MED15: variants seen among roughly 807,000 people sequenced by gnomAD.
The protein encoded by MED15 is mediator complex subunit 15, also known as mediator of RNA polymerase II transcription subunit 15.
A neutral mutation model predicts 118.7 loss-of-function variants in MED15; 41 were observed. The observed-to-expected ratio is 0.35, with a 90% confidence interval of 0.27 to 0.45. MED15 has a LOEUF of 0.45. MED15 is among the 20% of genes least tolerant of loss of function. MED15 has a pLI of 1.00. For synonymous variants in MED15, 436 were observed against 413.9 expected (o/e 1.05, Z -0.65); for missense variants, 740 against 1,025.5 (o/e 0.72, Z 3.80).
chr22:20,571,665 A>G (rs1233681189), intron 8 of MED15, among the ~76,000 whole-genome samples: 1 of 152,246 alleles, frequency 6.6e-6, no homozygotes, highest in Non-Finnish European at 1.5e-5. Context: ...TTCCACCAAT[A>G]GCAGCGCCCC....
rs569023290 is a variant in MED15 at position 20,552,055 on chromosome 22, A to G, written c.208+568A>G. ...CCCAGCTCTACAGAAATGAGTTGTC[A>G]TTGCATCCTAGGGCCAGGGTCTTCG... is the stretch of plus-strand genomic sequence containing the variant. On this transcript the variant is annotated intron_variant, in intron 3 of 17. Coordinates refer to ENST00000263205, the MANE Select transcript of MED15 (RefSeq NM_001003891.3). 2.0e-5 allele frequency among the ~76,000 whole-genome samples: 3 copies of G among 152,282 alleles called. No individual in the cohort carries two copies. The South Asian group carries it at 6.2e-4, about 32-fold the overall frequency.
chr22:20,582,741 A>G lies in MED15; in HGVS notation c.1403A>G (p.Asn468Ser), dbSNP rs375481710. ...PGQPSSQPNSNVSSGPAPSPS... is the reference protein window; with the variant it reads ...PGQPSSQPNSSVSSGPAPSPS... ...CAGCCCAGCTCACAGCCCAACTCCA[A>G]CGTCAGGTAGGCCTGGCCTGGGGTG... The change falls in exon 10 of 18, where the codon AAC becomes AGC. Residue 468 changes from asparagine to serine, a missense_variant. Physicochemically the swap from Asn to Ser is conservative, Grantham distance 46. Coordinates refer to ENST00000263205, the MANE Select transcript of MED15 (RefSeq NM_001003891.3). 2.2e-5 allele frequency: 35 copies of G among 1,588,308 alleles called. No homozygotes were observed. Among genetic ancestry groups the G allele is most frequent in the East Asian group, 4.5e-5 (2 of 44,466 alleles).
At chr22:20,527,453 G>T (rs540276208) in intron 1 of MED15, among the ~76,000 whole-genome samples, 2 of 147,698 alleles carry the variant, frequency 1.4e-5, no homozygotes, top group Non-Finnish European at 3.0e-5. Flanking sequence ...AAATTCTACC[G>T]TTTTTTTTGA....
At chr22:20,582,993 T>G in intron 11 of MED15, 26 bp downstream of exon 11, 1 of 1,605,890 alleles carries the variant, frequency 6.2e-7, no homozygotes, top group Non-Finnish European at 8.5e-7. Context: ...GGTGCTAAGG[T>G]CACTCCTCAC....
At chr22:20,535,169 G>A (rs1304819716) in intron 1 of MED15, among the ~76,000 whole-genome samples, 1 of 152,114 alleles carries the variant, frequency 6.6e-6, no homozygotes, top group Non-Finnish European at 1.5e-5. Context: ...CGTTAGCCAG[G>A]CTGGTCTCAA....
intron 9 of MED15, chr22:20,582,026 G>C (rs889306872): frequency 1.3e-5 from 2 of 156,210 alleles, no homozygotes; most frequent in African/African-American, 4.8e-5. Context: ...GGGTGTGTGT[G>C]TGGCTCCCTG....
intron 8 of MED15, chr22:20,573,978 C>CAT (rs2056747611): frequency 6.6e-6 from 1 of 152,242 alleles, no homozygotes; most frequent in African/African-American, 2.4e-5. Context: ...TCTGCCATGC[C>CAT]GTGTCACCCC....
chr22:20,525,136 T>TA (rs2054587455), intron 1 of MED15, among the ~76,000 whole-genome samples: 1 of 151,906 alleles, frequency 6.6e-6, no homozygotes, highest in Admixed American at 6.6e-5. Context: ...CCTGTCTCTA[T>TA]AAAAAATAAT....
chr22:20,535,735 A>AT (rs2055045449), intron 1 of MED15, among the ~76,000 whole-genome samples: 1 of 149,526 alleles, frequency 6.7e-6, no homozygotes, highest in Non-Finnish European at 1.5e-5. Flanking sequence ...AATTTTTTGT[A>AT]TTTTTAGTAG....
rs752973984 is a variant in MED15 at position 20,508,396 on chromosome 22, A to G, written c.68+650A>G. 1.7e-5 allele frequency: 22 copies of G among 1,303,942 alleles called. No individual in the cohort carries two copies. The South Asian group carries it at 2.5e-4, about 15-fold the overall frequency. 80.8% of individuals were successfully genotyped at this position (1,303,942 alleles called of 1,614,324 possible). A position where few individuals can be genotyped will look rare whatever the true frequency, so the allele number is the denominator to read the frequency against. The stretch of plus-strand genomic sequence containing the variant: ...CCACCGACTGCTTGTTTCTGTTAGC[A>G]GTTTTTTTCATGCGCGTCCGTGTGA... On this transcript the variant is annotated intron_variant, in intron 1 of 17. Coordinates refer to ENST00000263205, the MANE Select transcript of MED15 (RefSeq NM_001003891.3).
intron 2 of MED15, among the ~76,000 whole-genome samples, chr22:20,545,886 T>C (rs1357160376): frequency 1.3e-5 from 2 of 152,178 alleles, no homozygotes; most frequent in Non-Finnish European, 2.9e-5. Context: ...ATTCCTCTAA[T>C]CTGGAGTCAG....
intron 2 of MED15, among the ~76,000 whole-genome samples, chr22:20,538,812 G>T (rs550590808): frequency 1.3e-5 from 2 of 151,738 alleles, no homozygotes; most frequent in Non-Finnish European, 2.9e-5. Context: ...CGATTCTTCC[G>T]CCTCAGCCTC....
chr22:20,529,094 G>A, intron 1 of MED15, among the ~76,000 whole-genome samples: 1 of 152,154 alleles, frequency 6.6e-6, no homozygotes, highest in Middle Eastern at 3.2e-3. Context: ...CGTTACCACT[G>A]GGCCATCAGC....
chr22:20,535,645 C>T (rs1484983026), intron 1 of MED15, among the ~76,000 whole-genome samples: 6 of 151,722 alleles, frequency 4.0e-5, no homozygotes, highest in South Asian at 2.1e-4. Flanking sequence ...CTGCCAGCTC[C>T]GCCTCCCGGG....
intron 2 of MED15, among the ~76,000 whole-genome samples, chr22:20,543,550 A>C (rs1251051723): frequency 6.9e-6 from 1 of 144,510 alleles, no homozygotes; most frequent in Non-Finnish European, 1.5e-5. Flanking sequence ...GAAGAAACCA[A>C]GCTGAGTCCT....
chr22:20,571,175 GA>G (rs2056650300), intron 8 of MED15, among the ~76,000 whole-genome samples: 1 of 152,256 alleles, frequency 6.6e-6, no homozygotes, highest in Non-Finnish European at 1.5e-5. Context: ...CTAGCTCAAG[GA>G]AGTGTCCACT....
At chr22:20,556,801 T>A (rs1270823815) in intron 5 of MED15, among the ~76,000 whole-genome samples, 1 of 152,226 alleles carries the variant, frequency 6.6e-6, no homozygotes, top group Non-Finnish European at 1.5e-5. Flanking sequence ...CAATTGCTGA[T>A]CTGTTGTGTG....
At chr22:20,552,560 A>G (rs1295599265) in intron 3 of MED15, 1 of 460,918 alleles carries the variant, frequency 2.2e-6, no homozygotes, top group African/African-American at 2.0e-5. Flanking sequence ...TGGCTGGTGC[A>G]CACAGTCCTG....
At chr22:20,543,558 C>CT (rs1473286351) in intron 2 of MED15, among the ~76,000 whole-genome samples, 14 of 140,088 alleles carry the variant, frequency 1.0e-4, no homozygotes, top group Admixed American at 3.6e-4. Flanking sequence ...CAAGCTGAGT[C>CT]CTTTTTTTTA....
Sources: gnomAD v4.1 joint callset for allele counts (sites outside exome capture counted in the v4.1 genomes callset) on GRCh38, gnomAD v4.1.1 for gene constraint, MANE v1.5 for transcripts, NCBI Gene and HGNC (gene_info 2026-07-23, HGNC 2026-07-21) for gene names.